Variants in SEMA5A observed in about 807,000 individuals in gnomAD.
SEMA5A encodes semaphorin 5A.
Under a neutral mutation model 135.5 loss-of-function variants are expected in SEMA5A, and 55 were observed. The ratio of observed to expected loss-of-function variants is 0.41; its 90% CI spans 0.33 to 0.51. The LOEUF is 0.51. Ranked by LOEUF, SEMA5A falls within the 20% of genes least tolerant of loss-of-function variation. SEMA5A has a pLI of 0.37. For synonymous variants in SEMA5A, 580 were observed against 546.5 expected (o/e 1.06, Z -0.85); for missense variants, 1,290 against 1,419.9 (o/e 0.91, Z 1.47).
At chr5:9,379,240 T>C (rs1412448108) in intron 3 of SEMA5A, among the ~76,000 whole-genome samples, 1 of 152,116 alleles carries the variant, frequency 6.6e-6, no homozygotes, top group Non-Finnish European at 1.5e-5. Context: ...AGAGATAGAG[T>C]CTATTTTCTT....
At chr5:9,201,484 A>G (rs1242232052) in intron 9 of SEMA5A, among the ~76,000 whole-genome samples, 1 of 152,250 alleles carries the variant, frequency 6.6e-6, no homozygotes, top group Non-Finnish European at 1.5e-5. Context: ...ATAGTGTAAA[A>G]TGCAGCTATG....
intron 5 of SEMA5A, chr5:9,265,383 T>C: frequency 2.2e-6 from 1 of 455,704 alleles, no homozygotes; most frequent in Non-Finnish European, 4.4e-6. Flanking sequence ...GACCATATAA[T>C]TTATCTAACA....
chr5:9,132,061 T>G (rs1354083850), intron 13 of SEMA5A, among the ~76,000 whole-genome samples: 2 of 152,198 alleles, frequency 1.3e-5, no homozygotes, highest in African/African-American at 4.8e-5. Context: ...TCTCTTAAAC[T>G]GAGAGTAATG....
At chr5:9,457,740 G>C (rs1412293563) in intron 1 of SEMA5A, among the ~76,000 whole-genome samples, 1 of 151,978 alleles carries the variant, frequency 6.6e-6, no homozygotes, top group Non-Finnish European at 1.5e-5. Context: ...TTGCTATTAG[G>C]AAGGTTTTTT....
At chr5:9,083,439 G>T (rs1262710205) in intron 16 of SEMA5A, among the ~76,000 whole-genome samples, 1 of 152,152 alleles carries the variant, frequency 6.6e-6, no homozygotes, top group Non-Finnish European at 1.5e-5. Context: ...TTTCCTGCCA[G>T]AACTTATGGA....
chr5:9,075,402 A>AC (rs201200108), intron 16 of SEMA5A, among the ~76,000 whole-genome samples: 7,586 of 152,338 alleles, frequency 0.05, 291 homozygotes, highest in Middle Eastern at 0.12. Context: ...TAATTGTAAT[A>AC]GACAAGAAAC....
intron 15 of SEMA5A, among the ~76,000 whole-genome samples, chr5:9,111,324 A>G (rs1478708345): frequency 6.6e-6 from 1 of 151,866 alleles, no homozygotes; most frequent in Non-Finnish European, 1.5e-5. Context: ...GCAGAGGGAA[A>G]CCTTACCAAA....
chr5:9,153,774 A>G (rs925098946), intron 12 of SEMA5A, among the ~76,000 whole-genome samples: 1 of 152,000 alleles, frequency 6.6e-6, no homozygotes, highest in African/African-American at 2.4e-5. Flanking sequence ...GGCCAGGTGC[A>G]GTAGCTCAAG....
intron 18 of SEMA5A, among the ~76,000 whole-genome samples, chr5:9,060,377 GCAGGAAT>G (rs1737118126): frequency 6.6e-6 from 1 of 152,148 alleles, no homozygotes; most frequent in South Asian, 2.1e-4. Flanking sequence ...CCAAGTGTCT[GCAGGAAT>G]CTGCACATCC....
chr5:9,190,514 G>C (rs956059044), intron 10 of SEMA5A, 43 bp from the exon 11 acceptor site: 1 of 1,595,310 alleles, frequency 6.3e-7, no homozygotes, highest in African/African-American at 1.3e-5. Context: ...CGGCAGCCTG[G>C]ACACCCACAG....
At chr5:9,109,934 G>A (rs1740149103) in intron 15 of SEMA5A, among the ~76,000 whole-genome samples, 1 of 152,180 alleles carries the variant, frequency 6.6e-6, no homozygotes, top group African/African-American at 2.4e-5. Context: ...ATGCTGGTAA[G>A]ATGGAACTGT....
chr5:9,189,643 C>A (rs2150345340), intron 11 of SEMA5A, among the ~76,000 whole-genome samples: 1 of 152,284 alleles, frequency 6.6e-6, no homozygotes, highest in East Asian at 1.9e-4. Context: ...TCAGCCAGGT[C>A]CCTACAGCTG....
Position 9,041,847 on chromosome 5 carries a change from T to C in SEMA5A, c.*1050A>G, listed in dbSNP as rs1389706654. On this transcript the variant is annotated 3_prime_UTR_variant, in exon 23 of 23. Coordinates refer to ENST00000382496, the MANE Select transcript of SEMA5A (RefSeq NM_003966.3). ...CGTGGTAGGGGCTGATTGCCACACATTGGGTATATCAGAGAGATGAAAAAT... is the reference window on the plus strand; with the variant it reads ...CGTGGTAGGGGCTGATTGCCACACACTGGGTATATCAGAGAGATGAAAAAT... 2 of 152,758 alleles carry C rather than the reference T, an allele frequency of 1.3e-5. No individual in the cohort carries two copies. Among genetic ancestry groups the C allele is most frequent in the South Asian group, 2.1e-4 (1 of 4,826 alleles). The allele number at this position is 152,758 out of a possible 1,614,324, so 9.5% of individuals were successfully genotyped here. A position where few individuals can be genotyped will look rare whatever the true frequency, so the allele number is the denominator to read the frequency against.
intron 2 of SEMA5A, among the ~76,000 whole-genome samples, chr5:9,433,566 C>T (rs1757927369): frequency 6.6e-6 from 1 of 151,504 alleles, no homozygotes; most frequent in Non-Finnish European, 1.5e-5. Context: ...GCTTGTTTGT[C>T]TCTGTCTCTC....
intron 2 of SEMA5A, among the ~76,000 whole-genome samples, chr5:9,384,635 G>GAT (rs1755784866): frequency 2.6e-5 from 2 of 75,720 alleles, no homozygotes; most frequent in African/African-American, 1.0e-4. Flanking sequence ...TAGATAGATA[G>GAT]ATAGATAGAT....
intron 5 of SEMA5A, among the ~76,000 whole-genome samples, chr5:9,255,229 G>C (rs1284545553): frequency 6.6e-6 from 1 of 152,152 alleles, no homozygotes; most frequent in Admixed American, 6.5e-5. Flanking sequence ...CAGATGTTTT[G>C]TTTATTTTGA....
chr5:9,351,773 T>C (rs1466137434), intron 3 of SEMA5A, among the ~76,000 whole-genome samples: 1 of 152,154 alleles, frequency 6.6e-6, no homozygotes, highest in East Asian at 1.9e-4. Flanking sequence ...GTCTATGGTG[T>C]CCCCATGGAC....
At chr5:9,414,588 C>A (rs1024397535) in intron 2 of SEMA5A, among the ~76,000 whole-genome samples, 1 of 152,190 alleles carries the variant, frequency 6.6e-6, no homozygotes. Flanking sequence ...TGGCAATGAC[C>A]TTTACTAGAA....
chr5:9,517,168 C>T (rs1309973033), intron 1 of SEMA5A: 3 of 152,178 alleles, frequency 2.0e-5, no homozygotes, highest in Non-Finnish European at 1.5e-5. Flanking sequence ...GCAAGCCCAC[C>T]TTGTGGCCAC....
Sources: gnomAD v4.1 joint callset for allele counts (sites outside exome capture counted in the v4.1 genomes callset) on GRCh38, gnomAD v4.1.1 for gene constraint, MANE v1.5 for transcripts, NCBI Gene and HGNC (gene_info 2026-07-23, HGNC 2026-07-21) for gene names.